Variants in YIPF4 observed in about 807,000 individuals in gnomAD.
The protein encoded by YIPF4 is protein YIPF4.
In YIPF4, 18 loss-of-function variants were observed where a neutral mutation model predicts 29.4. That is an observed-to-expected ratio of 0.61 (90% confidence interval 0.42 to 0.91). YIPF4 has a LOEUF of 0.91. Among genes scored for constraint, YIPF4 ranks in the 40% least tolerant of loss-of-function variants. The pLI is 0.00. For synonymous variants in YIPF4, 115 were observed against 104.7 expected (o/e 1.10, Z -0.60); for missense variants, 279 against 282.7 (o/e 0.99, Z 0.09).
chr2:32,302,212 G>A (rs1259829980), intron 5 of YIPF4, among the ~76,000 whole-genome samples: 1 of 151,278 alleles, frequency 6.6e-6, no homozygotes, highest in Non-Finnish European at 1.5e-5. Context: ...TGTGTTTTTA[G>A]TAGAGACAGG....
At chr2:32,304,454 A>G (rs2031509989) in intron 5 of YIPF4, among the ~76,000 whole-genome samples, 1 of 151,930 alleles carries the variant, frequency 6.6e-6, no homozygotes, top group Non-Finnish European at 1.5e-5. Flanking sequence ...CAGTGGAAAG[A>G]TGGACCAGAC....
chr2:32,284,112 C>G (rs2030553015), intron 1 of YIPF4, among the ~76,000 whole-genome samples: 1 of 152,078 alleles, frequency 6.6e-6, no homozygotes, highest in Admixed American at 6.6e-5. Flanking sequence ...TGTTGATTGC[C>G]TACTATGGAT....
At position 32,314,259 on chromosome 2, in the gene YIPF4, T is replaced by C. The variant is rs573977104; in HGVS notation, c.*8633T>C. On this transcript the variant is annotated 3_prime_UTR_variant, in exon 6 of 6. Coordinates refer to ENST00000238831, the MANE Select transcript of YIPF4 (RefSeq NM_032312.4). The stretch of plus-strand genomic sequence containing the variant: ...CATGAAGAATTTCACAAGTATTATG[T>C]TGAGTGAAAAAGACAAAGAATTTGT... 4.6e-5 allele frequency: 7 copies of C among 152,302 alleles called. No individual in the cohort carries two copies. The East Asian group carries it at 1.3e-3, about 29-fold the overall frequency. The allele number at this position is 152,302 out of a possible 1,614,324, so 9.4% of individuals were successfully genotyped here. A position where few individuals can be genotyped will look rare whatever the true frequency, so the allele number is the denominator to read the frequency against.
Position 32,305,918 on chromosome 2 carries a change from G to T in YIPF4, c.*292G>T. 1.7e-5 allele frequency: 18 copies of T among 1,029,988 alleles called. No individual in the cohort carries two copies. The highest frequency in any genetic ancestry group is 2.1e-5 in the Non-Finnish European group (18 of 860,010). The allele number at this position is 1,029,988 out of a possible 1,614,324, so 63.8% of individuals were successfully genotyped here. A position where few individuals can be genotyped will look rare whatever the true frequency, so the allele number is the denominator to read the frequency against. ...TGTGTCGATATTCACCTAAAAACTT[G>T]TGCCAAAAGCACCTGGATTGGTAAT... On this transcript the variant is annotated 3_prime_UTR_variant, in exon 6 of 6. Transcript: ENST00000238831.
At chr2:32,287,042 C>T (rs556052685) in intron 1 of YIPF4, among the ~76,000 whole-genome samples, 1 of 152,014 alleles carries the variant, frequency 6.6e-6, no homozygotes, top group Non-Finnish European at 1.5e-5. Context: ...GCCAGGAGTT[C>T]AGGACCAGAC....
At chr2:32,298,473 T>A (rs1465868990) in intron 4 of YIPF4, among the ~76,000 whole-genome samples, 162 bp downstream of exon 4, 1 of 152,186 alleles carries the variant, frequency 6.6e-6, no homozygotes, top group African/African-American at 2.4e-5. Context: ...GCTTACTCAA[T>A]AAATAGTACA....
intron 4 of YIPF4, among the ~76,000 whole-genome samples, chr2:32,300,462 C>A (rs994040811): frequency 2.1e-5 from 3 of 146,294 alleles, no homozygotes; most frequent in African/African-American, 7.5e-5. Context: ...AAAAGAGTTT[C>A]TTTTATCCCT....
At chr2:32,299,097 CA>C (rs2031302071) in intron 4 of YIPF4, among the ~76,000 whole-genome samples, 1 of 152,042 alleles carries the variant, frequency 6.6e-6, no homozygotes, top group African/African-American at 2.4e-5. Flanking sequence ...AAGCTGGTCT[CA>C]AACTCCCGAT....
At chr2:32,295,692 C>T (rs2031151889) in intron 3 of YIPF4, among the ~76,000 whole-genome samples, 1 of 152,164 alleles carries the variant, frequency 6.6e-6, no homozygotes, top group Non-Finnish European at 1.5e-5. Flanking sequence ...CACTTTCTGC[C>T]TCCCGGGTTC....
chr2:32,292,058 G>T, intron 2 of YIPF4, 119 bp from the exon 3 acceptor site: 1 of 583,234 alleles, frequency 1.7e-6, no homozygotes. Context: ...AAATGCAAAT[G>T]TTTTGTTGAC....
chr2:32,287,200 A>T (rs2030714690), intron 1 of YIPF4, among the ~76,000 whole-genome samples: 2 of 152,180 alleles, frequency 1.3e-5, no homozygotes, highest in South Asian at 4.1e-4. Flanking sequence ...AGTTGTGATC[A>T]TGGCACTGCA....
chr2:32,299,192 A>G (rs1282945655), intron 4 of YIPF4, among the ~76,000 whole-genome samples: 1 of 152,172 alleles, frequency 6.6e-6, no homozygotes, highest in Non-Finnish European at 1.5e-5. Flanking sequence ...TTCTTACAGA[A>G]ATTCTCAAAC....
At position 32,292,175 on chromosome 2, in the gene YIPF4, A is replaced by G; in HGVS notation, c.234-2A>G. ...TTGAGAATTTTTATTTTAAAATTATAGGGAAGAATTGGACATTGATCTAAA... is the reference window on the plus strand; with the variant it reads ...TTGAGAATTTTTATTTTAAAATTATGGGGAAGAATTGGACATTGATCTAAA... On this transcript the variant is annotated splice_acceptor_variant, in intron 2 of 5. Coordinates refer to ENST00000238831, the MANE Select transcript of YIPF4 (RefSeq NM_032312.4). LOFTEE classifies it high-confidence loss of function. The G allele has an allele frequency of 6.9e-7, 1 of 1,449,426 alleles. No homozygotes were observed. The highest frequency in any genetic ancestry group is 9.2e-7 in the Non-Finnish European group (1 of 1,092,674). 89.8% of individuals were successfully genotyped at this position (1,449,426 alleles called of 1,614,324 possible).
At chr2:32,304,294 T>C (rs2031501479) in intron 5 of YIPF4, among the ~76,000 whole-genome samples, 1 of 152,188 alleles carries the variant, frequency 6.6e-6, no homozygotes, top group African/African-American at 2.4e-5. Context: ...GTAATACTTA[T>C]CACTCTGTAA....
rs1301138538 is a variant in YIPF4 at position 32,298,236 on chromosome 2, G to T, written c.408G>T (p.Val136=). 3.7e-6 allele frequency: 6 copies of T among 1,601,552 alleles called. No homozygotes were observed. The African/African-American group carries it at 4.0e-5, about 11-fold the overall frequency. The change falls in exon 4 of 6, where the codon GTG becomes GTT. Residue 136 remains valine, a splice_region_variant and synonymous_variant. Transcript: ENST00000238831. ...SMISLYGQFR[V]VSWIITIWIF... ...ATTGCATGATTTTTCCCCCTAAGGT[G>T]GTCTCATGGATTATAACCATTTGGA... is the stretch of plus-strand genomic sequence containing the variant.
chr2:32,283,883 A>G (rs969729544), intron 1 of YIPF4, among the ~76,000 whole-genome samples: 3 of 151,630 alleles, frequency 2.0e-5, no homozygotes, highest in African/African-American at 4.9e-5. Context: ...ATGCTCGGCT[A>G]ATTTTTGTAT....
rs932297737 is a variant in YIPF4, at chr2:32,312,968, G to T, written c.*7342G>T. 4 of 152,292 alleles carry T rather than the reference G, an allele frequency of 2.6e-5. No individual in the cohort carries two copies. Among genetic ancestry groups the T allele is most frequent in the African/African-American group, 4.8e-5 (2 of 41,424 alleles). The allele number at this position is 152,292 out of a possible 1,614,324, so 9.4% of individuals were successfully genotyped here. ...ATCGCGCCACTGCACTCCCGCCTGG[G>T]TGACAGAGCGAGACTCTGTCTCAAA... On this transcript the variant is annotated 3_prime_UTR_variant, in exon 6 of 6. Coordinates refer to ENST00000238831, the MANE Select transcript of YIPF4 (RefSeq NM_032312.4).
chr2:32,279,039 C>G lies in YIPF4; in HGVS notation c.79+805C>G, dbSNP rs1233383166. 2.0e-5 allele frequency among the ~76,000 whole-genome samples: 3 copies of G among 151,762 alleles called. No individual in the cohort carries two copies. In the East Asian group the frequency reaches 5.8e-4, roughly 30 times the overall value. ...CTGGAGTGCAGTGGCGCGATCTCGG[C>G]TCACTGCAAGCTCCGCCTCCCGGGT... On this transcript the variant is annotated intron_variant, in intron 1 of 5. Transcript: ENST00000238831.
chr2:32,279,394 CTTTTTTTTTTTT>C (rs35036420), intron 1 of YIPF4, among the ~76,000 whole-genome samples: 4 of 98,754 alleles, frequency 4.1e-5, no homozygotes, highest in African/African-American at 8.2e-5. Context: ...CTAGATTTTC[CTTTTTTTTTTTT>C]TTTTTTTTTG....
Sources: allele counts gnomAD v4.1 joint callset (sites outside exome capture counted in the v4.1 genomes callset), GRCh38; gene constraint gnomAD v4.1.1; transcripts MANE v1.5; gene names NCBI Gene and HGNC (gene_info 2026-07-23, HGNC 2026-07-21).